The following DOK6 variants were observed in gnomAD, a reference collection of about 807,000 sequenced individuals.
DOK6 encodes docking protein 6, also known as downstream of tyrosine kinase 6.
In DOK6, 22 loss-of-function variants were observed where a neutral mutation model predicts 44.0. The observed-to-expected ratio is 0.50, with a 90% confidence interval of 0.36 to 0.71. DOK6 has a LOEUF of 0.71. Among genes scored for constraint, DOK6 ranks in the 30% least tolerant of loss-of-function variants. The probability of loss-of-function intolerance (pLI) is 0.00; values close to 1 mark genes in which losing one functional copy is unlikely to be tolerated. For missense variants in DOK6, 340 were observed against 416.4 expected, an observed-to-expected ratio of 0.82 and a Z score of 1.60; for synonymous variants, 166 against 145.5, an observed-to-expected ratio of 1.14 and a Z score of -1.01.
At chr18:69,830,552 T>A (rs1254998678) in intron 7 of DOK6, among the ~76,000 whole-genome samples, 1 of 152,196 alleles carries the variant, frequency 6.6e-6, no homozygotes, top group Non-Finnish European at 1.5e-5. Flanking sequence ...AACACCTTGA[T>A]CTTGGACTTC....
At chr18:69,620,708 A>G (rs1009107232) in intron 3 of DOK6, among the ~76,000 whole-genome samples, 1 of 152,228 alleles carries the variant, frequency 6.6e-6, no homozygotes, top group African/African-American at 2.4e-5. Flanking sequence ...TTATATGTCA[A>G]TAATGAATAA....
chr18:69,518,606 A>G lies in DOK6; in HGVS notation c.67-45881A>G, dbSNP rs73452011. Among the ~76,000 whole-genome samples, 1,091 of 152,300 alleles carry G rather than the reference A, an allele frequency of 7.2e-3. 14 individuals are homozygous for G. Among genetic ancestry groups the G allele is most frequent in the African/African-American group, 0.025 (1,055 of 41,576 alleles). On this transcript the variant is annotated intron_variant, in intron 1 of 7. Transcript: ENST00000382713. ...TTTAGAATTTTTGTATCAAAATTAC[A>G]TGAGATGGTAACTGTGGGATATGCA...
intron 1 of DOK6, among the ~76,000 whole-genome samples, chr18:69,421,905 A>G (rs935939476): frequency 7.5e-6 from 1 of 134,094 alleles, no homozygotes; most frequent in Non-Finnish European, 1.7e-5. Flanking sequence ...GGGCTTCCTC[A>G]CCTTCACCTG....
intron 5 of DOK6, among the ~76,000 whole-genome samples, chr18:69,708,477 G>A (rs1986684474): frequency 6.6e-6 from 1 of 152,140 alleles, no homozygotes; most frequent in African/African-American, 2.4e-5. Context: ...GTGCTGATAT[G>A]AGGATCAAAT....
intron 1 of DOK6, among the ~76,000 whole-genome samples, chr18:69,423,740 C>A (rs1978560588): frequency 6.6e-6 from 1 of 152,092 alleles, no homozygotes; most frequent in Admixed American, 6.6e-5. Flanking sequence ...CTACTATTGC[C>A]AGATTTTTCC....
At chr18:69,684,715 A>C (rs1433619313) in intron 4 of DOK6, among the ~76,000 whole-genome samples, 1 of 152,168 alleles carries the variant, frequency 6.6e-6, no homozygotes, top group Non-Finnish European at 1.5e-5. Context: ...CTTCAAAAGA[A>C]GACTAGAATG....
rs557677455 is a variant in DOK6, at chr18:69,531,733, G to T, written c.67-32754G>T. 1.1e-4 allele frequency among the ~76,000 whole-genome samples: 16 copies of T among 152,132 alleles called. No individual in the cohort carries two copies. In the South Asian group the frequency reaches 2.1e-3, roughly 20 times the overall value. ...ATCTTTTTGCCCTCTTTTTACTGAG[G>T]CCATAATATTTTCATTCCCAGTGAA... On this transcript the variant is annotated intron_variant, in intron 1 of 7. Coordinates refer to ENST00000382713, the MANE Select transcript of DOK6 (RefSeq NM_152721.6).
At chr18:69,646,874 G>A (rs1230431518) in intron 3 of DOK6, among the ~76,000 whole-genome samples, 2 of 152,132 alleles carry the variant, frequency 1.3e-5, no homozygotes, top group Non-Finnish European at 2.9e-5. Context: ...GGCCCCTTGT[G>A]TCTGGTCAAT....
At chr18:69,421,824 G>T (rs1599123194) in intron 1 of DOK6, among the ~76,000 whole-genome samples, 1 of 152,274 alleles carries the variant, frequency 6.6e-6, no homozygotes, top group South Asian at 2.1e-4. Context: ...AACTGGTGTG[G>T]GGTTACCAGG....
chr18:69,813,552 C>T (rs146149105), intron 7 of DOK6, among the ~76,000 whole-genome samples: 1 of 151,998 alleles, frequency 6.6e-6, no homozygotes, highest in Non-Finnish European at 1.5e-5. Context: ...AACCCTCTAA[C>T]CTTGATGGGC....
chr18:69,589,678 C>G (rs913572056), intron 2 of DOK6, among the ~76,000 whole-genome samples: 1 of 152,026 alleles, frequency 6.6e-6, no homozygotes, highest in Non-Finnish European at 1.5e-5. Context: ...GTAAGATCTG[C>G]ATTGAGTGGT....
At chr18:69,808,414 A>C (rs1981117739) in intron 7 of DOK6, among the ~76,000 whole-genome samples, 1 of 129,136 alleles carries the variant, frequency 7.7e-6, no homozygotes. Context: ...AGTTAGCAGA[A>C]GGAAGGAATA....
At chr18:69,680,330 C>T (rs6566438) in intron 4 of DOK6, among the ~76,000 whole-genome samples, 117,335 of 152,130 alleles carry the variant, frequency 0.77, 45,622 homozygotes, top group East Asian at 0.96. Context: ...GGGAATCTCC[C>T]TCCCCTTAAA....
chr18:69,619,444 T>C (rs1984389277), intron 3 of DOK6, among the ~76,000 whole-genome samples: 1 of 152,182 alleles, frequency 6.6e-6, no homozygotes, highest in African/African-American at 2.4e-5. Flanking sequence ...TCCAGAACCA[T>C]GTTAAGGAAT....
chr18:69,766,755 G>A (rs1408120282), intron 7 of DOK6, among the ~76,000 whole-genome samples: 1 of 152,136 alleles, frequency 6.6e-6, no homozygotes, highest in African/African-American at 2.4e-5. Flanking sequence ...AACCCATGCG[G>A]TCCATACTGT....
At chr18:69,436,035 CCT>C (rs1978967183) in intron 1 of DOK6, among the ~76,000 whole-genome samples, 1 of 151,778 alleles carries the variant, frequency 6.6e-6, no homozygotes, top group Non-Finnish European at 1.5e-5. Flanking sequence ...ATATTTATGT[CCT>C]GTCTTATAAT....
chr18:69,434,696 G>A (rs960016430), intron 1 of DOK6, among the ~76,000 whole-genome samples: 2 of 131,004 alleles, frequency 1.5e-5, no homozygotes, highest in Middle Eastern at 3.7e-3. Flanking sequence ...GGCAGAGGCG[G>A]GCGGATCACG....
chr18:69,535,036 C>T (rs566366243), intron 1 of DOK6, among the ~76,000 whole-genome samples: 1 of 152,132 alleles, frequency 6.6e-6, no homozygotes, highest in East Asian at 1.9e-4. Flanking sequence ...ATGTGCTTCC[C>T]TGTGTCTCAG....
At chr18:69,480,487 T>A (rs1192645965) in intron 1 of DOK6, among the ~76,000 whole-genome samples, 1 of 152,198 alleles carries the variant, frequency 6.6e-6, no homozygotes, top group Non-Finnish European at 1.5e-5. Flanking sequence ...TTCTAAAATA[T>A]ACCTAAAATA....
Sources: allele counts gnomAD v4.1 joint callset (sites outside exome capture counted in the v4.1 genomes callset), GRCh38; gene constraint gnomAD v4.1.1; transcripts MANE v1.5; gene names NCBI Gene and HGNC (gene_info 2026-07-23, HGNC 2026-07-21).